The following RAP1GAP2 variants were observed in gnomAD, a reference collection of about 807,000 sequenced individuals.
RAP1GAP2 encodes the protein RAP1 GTPase activating protein 2, also known as rap1 GTPase-activating protein 2.
A neutral mutation model predicts 95.0 loss-of-function variants in RAP1GAP2; 27 were observed. The observed-to-expected ratio is 0.28, with a 90% CI of 0.21 to 0.39. The LOEUF (loss-of-function observed/expected upper bound fraction) is 0.39, where lower values mean the gene tolerates loss of function less well. Ranked by LOEUF, RAP1GAP2 falls within the 10% of genes least tolerant of loss-of-function variation. The pLI is 1.00. For missense variants in RAP1GAP2, 771 were observed against 970.0 expected (o/e 0.79, Z 2.72); for synonymous variants, 373 against 380.9 (o/e 0.98, Z 0.24).
rs924460885 is a variant in RAP1GAP2, at chr17:2,796,567, G to A, written c.40G>A (p.Gly14Arg). ...GCGCAGTGTCTCCTTTGGGGGCTTC[G>A]GATGGTGGGTGACAGGTGGGAGGGT... Reference protein sequence around the residue: ...RKRSVSFGGFGWIDKTMLASL... With the variant: ...RKRSVSFGGFRWIDKTMLASL... Residue 14 changes from glycine (G) to arginine (R), a missense_variant, in exon 1 of 25, where the codon GGA (glycine) becomes AGA (arginine). Physicochemically the swap from Gly to Arg is moderately radical, Grantham distance 125. Transcript: ENST00000254695. The surrounding 1 kb of genome is among the most constrained non-coding windows in gnomAD (Gnocchi z 4.7). 4 of 1,562,624 alleles carry A rather than the reference G, an allele frequency of 2.6e-6. No individual in the cohort carries two copies. The highest frequency in any genetic ancestry group is 3.5e-6 in the Non-Finnish European group (4 of 1,153,366).
upstream of RAP1GAP2, among the ~76,000 whole-genome samples, chr17:2,795,484 G>A (rs114219683): frequency 9.9e-3 from 1,509 of 152,316 alleles, 25 homozygotes; most frequent in African/African-American, 0.034. Flanking sequence ...GAACCCTGCG[G>A]TTCAGCTGGG....
In RAP1GAP2 at chr17:2,991,359, C is replaced by G. The variant is rs954130962; in HGVS notation, c.876C>G (p.Asp292Glu). 6.2e-7 allele frequency: 1 copy of G among 1,605,852 alleles called. No homozygotes were observed. Among genetic ancestry groups the G allele is most frequent in the Non-Finnish European group, 8.5e-7 (1 of 1,176,340 alleles). Residue 292 changes from aspartate (D) to glutamate (E), a missense_variant, in exon 12 of 25, where the codon GAC becomes GAG. By Grantham distance (45) the Asp-to-Glu change is conservative. Coordinates refer to ENST00000254695, the MANE Select transcript of RAP1GAP2 (RefSeq NM_015085.5). Reference sequence around the variant, plus strand: ...GCCCAGCTTTTAAGGAGTTCTTGGACCTGCTGGGGGACACGATCACACTGC... The same window carrying G: ...GCCCAGCTTTTAAGGAGTTCTTGGAGCTGCTGGGGGACACGATCACACTGC... Reference protein sequence around the residue: ...EESPAFKEFLDLLGDTITLQD... With the variant: ...EESPAFKEFLELLGDTITLQD...
rs2072783154 is a variant in RAP1GAP2, at chr17:2,870,141, G to T, written c.81-35143G>T. Among the ~76,000 whole-genome samples, 2 of 148,354 alleles carry T rather than the reference G, an allele frequency of 1.3e-5. No homozygotes were observed. The highest frequency in any genetic ancestry group is 3.0e-5 in the Non-Finnish European group (2 of 67,200). ...AATCTTTTTTTTTTTTTTTGGAGAT[G>T]GAGTCTCGCACTGTCACCCGGGCTG... is the stretch of plus-strand genomic sequence containing the variant. On this transcript the variant is annotated intron_variant, in intron 2 of 24. Transcript: ENST00000254695. This position sits in a 1 kb window ranked among gnomAD's most constrained non-coding sequence, Gnocchi z 4.4.
intron 24 of RAP1GAP2, 30 bp downstream of exon 24, chr17:3,032,479 G>A (rs1054723197): frequency 8.8e-6 from 14 of 1,597,986 alleles, no homozygotes; most frequent in Middle Eastern, 1.7e-4. Context: ...TGCTGTGGCC[G>A]TGAGGGGGGA....
intron 3 of RAP1GAP2, among the ~76,000 whole-genome samples, chr17:2,939,354 T>C (rs970221601): frequency 1.3e-5 from 2 of 152,244 alleles, no homozygotes; most frequent in Non-Finnish European, 2.9e-5. Context: ...CCTCCCAAAG[T>C]GCTGGGATGA....
Position 2,965,794 on chromosome 17 carries a change from G to C in RAP1GAP2, c.596+151G>C. On this transcript the variant is annotated intron_variant, in intron 8 of 24. Coordinates refer to ENST00000254695, the MANE Select transcript of RAP1GAP2 (RefSeq NM_015085.5). The surrounding 1 kb of genome is among the most constrained non-coding windows in gnomAD (Gnocchi z 4.7). Reference sequence around the variant, plus strand: ...GGGACAGGCCTGCTGGAATCCTGGGGCTGTGTCTGAAGTTGCCTAGCAGGG... The same window carrying C: ...GGGACAGGCCTGCTGGAATCCTGGGCCTGTGTCTGAAGTTGCCTAGCAGGG... The C allele has an allele frequency of 3.1e-6, 2 of 641,374 alleles. No individual in the cohort carries two copies. The highest frequency in any genetic ancestry group is 5.4e-6 in the Non-Finnish European group (2 of 372,150). The allele number at this position is 641,374 out of a possible 1,614,324, so 39.7% of individuals were successfully genotyped here. A position where few individuals can be genotyped will look rare whatever the true frequency, so the allele number is the denominator to read the frequency against.
At chr17:2,795,089 G>A (rs1037654674), upstream of RAP1GAP2, among the ~76,000 whole-genome samples, 1 of 151,880 alleles carries the variant, frequency 6.6e-6, no homozygotes, top group African/African-American at 2.4e-5. Flanking sequence ...TGTTGGCCAG[G>A]CTGGTCTCGA....
At chr17:2,921,974 G>A (rs957513976) in intron 3 of RAP1GAP2, among the ~76,000 whole-genome samples, 2 of 152,130 alleles carry the variant, frequency 1.3e-5, no homozygotes, top group Admixed American at 6.5e-5. Context: ...CTGGGTAATC[G>A]GGATGATCTC....
chr17:2,935,783 C>T (rs2043288889), intron 3 of RAP1GAP2, among the ~76,000 whole-genome samples: 1 of 152,220 alleles, frequency 6.6e-6, no homozygotes, highest in African/African-American at 2.4e-5. Context: ...GGCCTCACAG[C>T]TGGCCGGTGA....
At chr17:2,881,921 C>T (rs554520847) in intron 2 of RAP1GAP2, among the ~76,000 whole-genome samples, 6 of 151,542 alleles carry the variant, frequency 4.0e-5, no homozygotes, top group Non-Finnish European at 7.4e-5. Context: ...CCCGGGTTCA[C>T]GCCATTCTCC....
At chr17:3,023,425 A>G (rs538992958) in intron 19 of RAP1GAP2, among the ~76,000 whole-genome samples, 1 of 152,294 alleles carries the variant, frequency 6.6e-6, no homozygotes, top group South Asian at 2.1e-4. Flanking sequence ...AAAGGGCGGC[A>G]TTTGGTTGAC....
At chr17:2,977,123 CAA>C (rs71377561) in intron 8 of RAP1GAP2, among the ~76,000 whole-genome samples, 10 of 77,574 alleles carry the variant, frequency 1.3e-4, no homozygotes, top group African/African-American at 9.9e-5. Flanking sequence ...AACTCCATCT[CAA>C]AAAAAAAAAA....
chr17:3,026,436 G>T lies in RAP1GAP2; in HGVS notation c.1952G>T (p.Gly651Val), dbSNP rs1348343363. The T allele has an allele frequency of 1.3e-6, 2 of 1,552,108 alleles. No individual in the cohort carries two copies. Among genetic ancestry groups the T allele is most frequent in the Admixed American group, 2.0e-5 (1 of 51,030 alleles). ...AGCGTCAGCAGCACTGCAGGGGAGGGCGAGGCCATGGAGGAGGGCGACAGT... is the reference window on the plus strand; with the variant it reads ...AGCGTCAGCAGCACTGCAGGGGAGGTCGAGGCCATGGAGGAGGGCGACAGT... The part of the protein sequence containing the change: ...TSSVSSTAGE[G>V]EAMEEGDSGG... Residue 651 changes from glycine (G) to valine (V), a missense_variant, in exon 21 of 25, where the codon GGC becomes GTC. Physicochemically the swap from Gly to Val is moderately radical, Grantham distance 109. Coordinates refer to ENST00000254695, the MANE Select transcript of RAP1GAP2 (RefSeq NM_015085.5).
intron 2 of RAP1GAP2, among the ~76,000 whole-genome samples, chr17:2,856,271 G>T (rs2072131156): frequency 6.6e-6 from 1 of 152,134 alleles, no homozygotes; most frequent in African/African-American, 2.4e-5. Flanking sequence ...TGGTGGTTGG[G>T]GGGTGGAGAG....
intron 3 of RAP1GAP2, among the ~76,000 whole-genome samples, chr17:2,945,676 T>C (rs1287188038): frequency 6.6e-6 from 1 of 152,108 alleles, no homozygotes; most frequent in Non-Finnish European, 1.5e-5. Context: ...AGAGTTTATA[T>C]CATGAAAGGA....
chr17:3,032,406 A>C lies in RAP1GAP2; in HGVS notation c.2185-5A>C, dbSNP rs767742727. On this transcript the variant is annotated splice_region_variant and splice_polypyrimidine_tract_variant and intron_variant, in intron 23 of 24. Coordinates refer to ENST00000254695, the MANE Select transcript of RAP1GAP2 (RefSeq NM_015085.5). ...AAACTCCTGTATGGATTTTTGTTGA[A>C]ACAGGGTCACTAATGTGAAAGTGGA... The C allele has an allele frequency of 3.1e-6, 5 of 1,613,826 alleles. No individual in the cohort carries two copies. In the East Asian group the frequency reaches 8.9e-5, roughly 29 times the overall value.
Position 2,797,486 on chromosome 17 carries a change from G to A in RAP1GAP2, c.44+915G>A, listed in dbSNP as rs1400886716. ...CGTTGTCAGACTGGGAGAGGGCCCC[G>A]CGGGAGGTGGCCGGGGGGTGTCCCG... On this transcript the variant is annotated intron_variant, in intron 1 of 24. Transcript: ENST00000254695. This position sits in a 1 kb window ranked among gnomAD's most constrained non-coding sequence, Gnocchi z 5.6. Among the ~76,000 whole-genome samples, 3 of 152,018 alleles carry A rather than the reference G, an allele frequency of 2.0e-5. No individual in the cohort carries two copies. Among genetic ancestry groups the A allele is most frequent in the Admixed American group, 6.5e-5 (1 of 15,268 alleles).
At chr17:2,813,666 T>C (rs1389495915) in intron 2 of RAP1GAP2, among the ~76,000 whole-genome samples, 1 of 151,944 alleles carries the variant, frequency 6.6e-6, no homozygotes, top group Non-Finnish European at 1.5e-5. Context: ...ACTGTGATAA[T>C]GAAAATGTCT....
chr17:2,832,030 C>G (rs2070877472), intron 2 of RAP1GAP2, among the ~76,000 whole-genome samples: 1 of 150,954 alleles, frequency 6.6e-6, no homozygotes, highest in Non-Finnish European at 1.5e-5. Context: ...ATGGCGAAAC[C>G]CTGTCTCTAC....
Sources: gnomAD v4.1 joint callset for allele counts (sites outside exome capture counted in the v4.1 genomes callset) on GRCh38, gnomAD v4.1.1 for gene constraint, Gnocchi (gnomAD v3.1) non-coding constraint, MANE v1.5 for transcripts, NCBI Gene and HGNC (gene_info 2026-07-23, HGNC 2026-07-21) for gene names.